KMT2C: variants seen among roughly 807,000 people sequenced by gnomAD.
KMT2C encodes the protein histone-lysine N-methyltransferase 2C.
KMT2C carries 88 observed loss-of-function variants against 507.9 expected under a neutral mutation model. The ratio of observed to expected loss-of-function variants is 0.17; its 90% confidence interval spans 0.15 to 0.21. The LOEUF (loss-of-function observed/expected upper bound fraction) is 0.21. KMT2C is among the 10% of genes least tolerant of loss of function. The pLI, the probability that KMT2C is intolerant of heterozygous loss-of-function variation, is 1.00. For synonymous variants in KMT2C, 2,049 were observed against 2,080.8 expected, an observed-to-expected ratio of 0.98 and a Z score of 0.42; for missense variants, 4,954 against 5,957.8, an observed-to-expected ratio of 0.83 and a Z score of 5.55.
At chr7:152,296,997 A>AAAAGAAAGAAAGAAGGAAAGAAAG (rs2096506134) in intron 6 of KMT2C, among the ~76,000 whole-genome samples, 2 of 59,008 alleles carry the variant, frequency 3.4e-5, no homozygotes, top group South Asian at 1.4e-3. Flanking sequence ...GAAAGAAAGA[A>AAAAGAAAGAAAGAAGGAAAGAAAG]AAAGAAAGAA....
At chr7:152,412,591 C>A (rs2097695093) in intron 1 of KMT2C, among the ~76,000 whole-genome samples, 1 of 152,146 alleles carries the variant, frequency 6.6e-6, no homozygotes, top group South Asian at 2.1e-4. Flanking sequence ...CTAATCCTCT[C>A]ATGAAGCTGG....
At chr7:152,226,853 A>G (rs2094949604) in intron 18 of KMT2C, among the ~76,000 whole-genome samples, 1 of 152,236 alleles carries the variant, frequency 6.6e-6, no homozygotes, top group Non-Finnish European at 1.5e-5. Context: ...ATAAAAGTTT[A>G]TTTGCAAACA....
At chr7:152,193,864 A>C (rs2093883492) in intron 31 of KMT2C, 145 bp downstream of exon 31, 1 of 570,346 alleles carries the variant, frequency 1.8e-6, no homozygotes. Context: ...AGTATTTTTC[A>C]ATCATTACAA....
At chr7:152,429,337 A>T (rs2097847511) in intron 1 of KMT2C, among the ~76,000 whole-genome samples, 1 of 152,200 alleles carries the variant, frequency 6.6e-6, no homozygotes, top group Non-Finnish European at 1.5e-5. Context: ...TACTGCCATC[A>T]CAAAATTAAC....
intron 2 of KMT2C, among the ~76,000 whole-genome samples, chr7:152,355,547 A>T (rs1301412353): frequency 6.6e-6 from 1 of 152,036 alleles, no homozygotes; most frequent in African/African-American, 2.4e-5. Context: ...GAGTAGGAAA[A>T]AACAAAAAAA....
intron 6 of KMT2C, among the ~76,000 whole-genome samples, chr7:152,297,043 A>AAGACAGAC (rs2096512135): frequency 6.0e-5 from 5 of 83,460 alleles, no homozygotes; most frequent in African/African-American, 2.5e-4. Context: ...GAAAGAAAGA[A>AAGACAGAC]AGAAAGAAAG....
chr7:152,384,160 C>T (rs745563880), intron 1 of KMT2C, among the ~76,000 whole-genome samples: 11 of 152,094 alleles, frequency 7.2e-5, no homozygotes, highest in Admixed American at 4.6e-4. Context: ...TCATGAGTCA[C>T]TCTCCTCAGT....
intron 9 of KMT2C, among the ~76,000 whole-genome samples, chr7:152,259,446 G>GCACACGCACACACACA (rs1554587606): frequency 7.4e-6 from 1 of 134,688 alleles, no homozygotes; most frequent in Non-Finnish European, 1.6e-5. Flanking sequence ...ACACACACGC[G>GCACACGCACACACACA]CACACACACA....
At chr7:152,326,893 A>G (rs2096834173) in intron 3 of KMT2C, among the ~76,000 whole-genome samples, 1 of 152,198 alleles carries the variant, frequency 6.6e-6, no homozygotes, top group Non-Finnish European at 1.5e-5. Context: ...AAAAAATAAA[A>G]TAAAATAAAA....
rs191491966 is a variant in KMT2C at position 152,321,200 on chromosome 7, T to C, written c.390-5862A>G. 1.9e-3 allele frequency among the ~76,000 whole-genome samples: 294 copies of C among 151,988 alleles called. 9 individuals are homozygous for C. Among genetic ancestry groups the C allele is most frequent in the Non-Finnish European group, 2.1e-3 (141 of 67,938 alleles). The stretch of plus-strand genomic sequence containing the variant: ...AGTGAGCCAAGATCGCACCATTGCA[T>C]AGCCTGGGCAACAGAGCAAGACTCC... On this transcript the variant is annotated intron_variant, in intron 3 of 58. Transcript: ENST00000262189.
At chr7:152,223,576 A>G (rs1417111492) in intron 20 of KMT2C, among the ~76,000 whole-genome samples, 1 of 152,002 alleles carries the variant, frequency 6.6e-6, no homozygotes, top group East Asian at 1.9e-4. Flanking sequence ...GGCGGTCAAA[A>G]GATGGTCAAA....
intron 1 of KMT2C, among the ~76,000 whole-genome samples, chr7:152,409,512 T>C (rs1249079087): frequency 6.7e-6 from 1 of 148,596 alleles, no homozygotes; most frequent in Non-Finnish European, 1.5e-5. Context: ...GGTCAGGAGA[T>C]CGAGACCATC....
intron 31 of KMT2C, among the ~76,000 whole-genome samples, chr7:152,188,796 G>A (rs2093704094): frequency 6.6e-6 from 1 of 151,662 alleles, no homozygotes; most frequent in South Asian, 2.1e-4. Flanking sequence ...TTTTAGTGGA[G>A]GTGGGGTTTC....
intron 6 of KMT2C, among the ~76,000 whole-genome samples, chr7:152,291,502 G>A (rs547141018): frequency 7.7e-3 from 1,169 of 152,288 alleles, no homozygotes; most frequent in African/African-American, 0.027. Flanking sequence ...AAGTCTTTCT[G>A]CTCCACAGTT....
intron 18 of KMT2C, among the ~76,000 whole-genome samples, chr7:152,227,481 T>G (rs1486791768): frequency 1.3e-5 from 2 of 152,202 alleles, no homozygotes; most frequent in Non-Finnish European, 2.9e-5. Flanking sequence ...ATGATACAAC[T>G]GTTTTCAGAT....
intron 1 of KMT2C, among the ~76,000 whole-genome samples, chr7:152,435,147 C>T (rs1355418346): frequency 3.3e-5 from 5 of 152,158 alleles, no homozygotes; most frequent in African/African-American, 1.2e-4. Flanking sequence ...CGGCCGCTTT[C>T]TTCTCGCCCC....
chr7:152,429,225 C>A (rs1262037549), intron 1 of KMT2C, among the ~76,000 whole-genome samples: 1 of 152,142 alleles, frequency 6.6e-6, no homozygotes, highest in Non-Finnish European at 1.5e-5. Flanking sequence ...CTTTGTAGCT[C>A]TTTAAATAAC....
intron 1 of KMT2C, among the ~76,000 whole-genome samples, chr7:152,421,910 AC>A (rs1398092907): frequency 6.6e-6 from 1 of 152,196 alleles, no homozygotes; most frequent in Non-Finnish European, 1.5e-5. Flanking sequence ...AGGAAAAAAA[AC>A]AAGTGGGAAC....
Position 152,162,742 on chromosome 7 carries a change from CTT to C in KMT2C, c.10833_10834del (p.Asp3613Ter). The stretch of plus-strand genomic sequence containing the variant: ...CTTGGTGGATTCTGCATCATCATCT[CTT>C]TTCTTCTTTCTTGTTCTTTTCTTTT... On this transcript the variant is annotated frameshift_variant, in exon 43 of 59. Coordinates refer to ENST00000262189, the MANE Select transcript of KMT2C (RefSeq NM_170606.3). LOFTEE classifies it high-confidence loss of function. 6.2e-7 allele frequency: 1 copy of C among 1,614,162 alleles called. No homozygotes were observed. The highest frequency in any genetic ancestry group is 8.5e-7 in the Non-Finnish European group (1 of 1,180,032).
Sources: allele counts gnomAD v4.1 joint callset (sites outside exome capture counted in the v4.1 genomes callset), GRCh38; gene constraint gnomAD v4.1.1; transcripts MANE v1.5; gene names NCBI Gene and HGNC (gene_info 2026-07-23, HGNC 2026-07-21).